Variants in ADGRV1 observed in about 807,000 individuals in gnomAD.
The protein encoded by ADGRV1 is adhesion G protein-coupled receptor V1.
Under a neutral mutation model 596.2 loss-of-function variants are expected in ADGRV1, and 359 were observed. That is an observed-to-expected ratio of 0.60 (90% CI 0.55 to 0.66). The LOEUF is 0.66. Ranked by LOEUF, ADGRV1 falls within the 30% of genes least tolerant of loss-of-function variation. The pLI is 0.00. For synonymous variants in ADGRV1, 2,681 were observed against 2,679.2 expected, an observed-to-expected ratio of 1.00 and a Z score of -0.02; for missense variants, 7,274 against 7,575.6, an observed-to-expected ratio of 0.96 and a Z score of 1.48.
At chr5:90,804,811 TG>T (rs1761746473) in intron 71 of ADGRV1, 1 of 152,220 alleles carries the variant, frequency 6.6e-6, no homozygotes, top group Non-Finnish European at 1.5e-5. Context: ...TGAAGTTTTC[TG>T]GTCTTCAAAA....
intron 85 of ADGRV1, among the ~76,000 whole-genome samples, chr5:91,046,490 C>G (rs1581890609): frequency 6.6e-6 from 1 of 152,258 alleles, no homozygotes; most frequent in East Asian, 1.9e-4. Flanking sequence ...ATCCTCATCT[C>G]TCACCTTATA....
chr5:90,803,234 C>T (rs530587522), intron 71 of ADGRV1, among the ~76,000 whole-genome samples: 13 of 152,178 alleles, frequency 8.5e-5, no homozygotes, highest in Non-Finnish European at 1.8e-4. Context: ...CTTTGGTTTA[C>T]AGGGGCGAGT....
In ADGRV1 at chr5:90,642,962, A is replaced by G; in HGVS notation, c.2474A>G (p.Asn825Ser). Residue 825 changes from asparagine (N) to serine (S), a missense_variant, in exon 13 of 90, where the codon AAC becomes AGC. This residue lies in a region of ADGRV1 where 1,715 missense variants were observed against 1,708.8 expected (regional missense o/e 1.00). Transcript: ENST00000405460. Reference sequence around the variant, plus strand: ...AGAGATAGCAATGAATTCTATGGAAACACGGGAGTACTAGAATTTAAACCT... The same window carrying G: ...AGAGATAGCAATGAATTCTATGGAAGCACGGGAGTACTAGAATTTAAACCT... ...EPRDSNEFYGNTGVLEFKPGE... is the reference protein window; with the variant it reads ...EPRDSNEFYGSTGVLEFKPGE... 6.2e-7 allele frequency: 1 copy of G among 1,613,664 alleles called. No individual in the cohort carries two copies. The highest frequency in any genetic ancestry group is 1.3e-5 in the African/African-American group (1 of 75,034).
chr5:91,095,888 T>G (rs998383311), intron 86 of ADGRV1, among the ~76,000 whole-genome samples: 1 of 152,134 alleles, frequency 6.6e-6, no homozygotes, highest in African/African-American at 2.4e-5. Flanking sequence ...GTTCGTGTCA[T>G]GCTCCTGCCT....
chr5:90,875,910 G>A (rs76520938), intron 83 of ADGRV1, among the ~76,000 whole-genome samples: 1,621 of 152,278 alleles, frequency 0.011, 32 homozygotes, highest in African/African-American at 0.037. Context: ...ACTAGTAAAT[G>A]TCTGTAGTGC....
In ADGRV1 at chr5:90,811,124, A is replaced by T. The variant is rs1445449157; in HGVS notation, c.15864A>T (p.Ala5288=). The T allele has an allele frequency of 6.2e-7, 1 of 1,613,752 alleles. No homozygotes were observed. Among genetic ancestry groups the T allele is most frequent in the East Asian group, 2.2e-5 (1 of 44,888 alleles). The change falls in exon 74 of 90, where the codon GCA becomes GCT. Residue 5288 remains alanine, a synonymous_variant. Transcript: ENST00000405460. The stretch of plus-strand genomic sequence containing the variant: ...ATGGGATTTCCAACCTAACATGGGC[A>T]GTTGAAGAAGAAGACTTTGAAGAAC... The part of the protein sequence containing the change: ...GIYGISNLTW[A]VEEEDFEEQT...
At chr5:91,039,172 T>C (rs1446452454) in intron 85 of ADGRV1, among the ~76,000 whole-genome samples, 2 of 152,126 alleles carry the variant, frequency 1.3e-5, no homozygotes, top group Admixed American at 6.5e-5. Flanking sequence ...AAAATCCAAC[T>C]CAAGCTAGCA....
At chr5:90,647,477 C>CT (rs895743626) in intron 16 of ADGRV1, 21 bp from the exon 17 acceptor site, 7 of 1,589,500 alleles carry the variant, frequency 4.4e-6, no homozygotes, top group Admixed American at 1.8e-5. Flanking sequence ...CTCATGTGTT[C>CT]TTTCTTTGTG....
Position 90,716,467 on chromosome 5 carries a change from C to A in ADGRV1, c.9185C>A (p.Ala3062Asp). 1 of 1,539,588 alleles carries A rather than the reference C, an allele frequency of 6.5e-7. No homozygotes were observed. Among genetic ancestry groups the A allele is most frequent in the Non-Finnish European group, 8.8e-7 (1 of 1,140,188 alleles). Residue 3062 changes from alanine to aspartate, a missense_variant and splice_region_variant, in exon 43 of 90, where the codon GCC becomes GAC. Ala to Asp is a moderately radical substitution (Grantham distance 126). Transcript: ENST00000405460. ...TGCTTTAATATTTTTATTTTGGCAG[C>A]CTTAATTATTGTCCTTGCTAATGAT... Reference protein sequence around the residue: ...PGLELGKNTIALIIVLANDDG... With the variant: ...PGLELGKNTIDLIIVLANDDG...
At chr5:91,083,660 A>G (rs972515548) in intron 86 of ADGRV1, among the ~76,000 whole-genome samples, 4 of 152,236 alleles carry the variant, frequency 2.6e-5, no homozygotes, top group Non-Finnish European at 5.9e-5. Context: ...AGCCTGCCTC[A>G]TTAAGTATCA....
intron 86 of ADGRV1, among the ~76,000 whole-genome samples, chr5:91,090,203 A>G (rs1790265315): frequency 6.6e-6 from 1 of 152,150 alleles, no homozygotes; most frequent in South Asian, 2.1e-4. Flanking sequence ...AGAATCACAG[A>G]TCTATTTGAT....
At chr5:90,880,385 G>A (rs1358009665) in intron 83 of ADGRV1, among the ~76,000 whole-genome samples, 1 of 152,146 alleles carries the variant, frequency 6.6e-6, no homozygotes, top group Admixed American at 6.5e-5. Flanking sequence ...TCAGATAGAT[G>A]GAATTTGAAC....
At chr5:90,615,566 A>G (rs1043876173) in intron 2 of ADGRV1, among the ~76,000 whole-genome samples, 3 of 151,916 alleles carry the variant, frequency 2.0e-5, no homozygotes, top group African/African-American at 7.2e-5. Flanking sequence ...TTAACCAGAA[A>G]GTTATGTCAT....
intron 85 of ADGRV1, among the ~76,000 whole-genome samples, chr5:91,025,550 G>C (rs1048336162): frequency 2.6e-5 from 4 of 152,070 alleles, no homozygotes; most frequent in Admixed American, 1.3e-4. Flanking sequence ...TAAAGGAAGG[G>C]CATGCTGTCA....
At chr5:91,115,776 A>G (rs1016869737) in intron 87 of ADGRV1, among the ~76,000 whole-genome samples, 3 of 152,124 alleles carry the variant, frequency 2.0e-5, no homozygotes, top group African/African-American at 7.2e-5. Flanking sequence ...GTGAAACCCC[A>G]TGGCTACTAA....
Position 90,692,799 on chromosome 5 carries a change from G to C in ADGRV1, c.7133+13G>C. On this transcript the variant is annotated intron_variant, in intron 32 of 89. Transcript: ENST00000405460. Reference sequence around the variant, plus strand: ...CTGTCAGGCGAAGGTATATGAGATAGCTACTTGCCTCTGTGGGAGTGATGA... The same window carrying C: ...CTGTCAGGCGAAGGTATATGAGATACCTACTTGCCTCTGTGGGAGTGATGA... 1 of 1,565,602 alleles carries C rather than the reference G, an allele frequency of 6.4e-7. No homozygotes were observed. The highest frequency in any genetic ancestry group is 8.6e-7 in the Non-Finnish European group (1 of 1,157,258).
chr5:90,863,082 G>A lies in ADGRV1; in HGVS notation c.17756-675G>A, dbSNP rs147350377. ...TACTGAGAATAAGAGTGGGGTAAAA[G>A]CTTAAGTGAAAAAGCAAATAGGTTA... On this transcript the variant is annotated intron_variant, in intron 82 of 89. Transcript: ENST00000405460. Among the ~76,000 whole-genome samples the A allele has an allele frequency of 2.8e-3, 422 of 152,262 alleles. 3 individuals are homozygous for A. Among genetic ancestry groups the A allele is most frequent in the African/African-American group, 9.3e-3 (386 of 41,552 alleles).
rs763131511 is a variant in ADGRV1 at position 90,676,037 on chromosome 5, A to G, written c.5314-43A>G. On this transcript the variant is annotated intron_variant, in intron 24 of 89. Coordinates refer to ENST00000405460, the MANE Select transcript of ADGRV1 (RefSeq NM_032119.4). ...CAGAATGATTGTAATCTATTCATATACAGAATGATTGTAATCTAATGGATC... is the reference window on the plus strand; with the variant it reads ...CAGAATGATTGTAATCTATTCATATGCAGAATGATTGTAATCTAATGGATC... 42 of 1,509,820 alleles carry G rather than the reference A, an allele frequency of 2.8e-5. No homozygotes were observed. The South Asian group carries it at 4.4e-4, about 16-fold the overall frequency. The allele number at this position is 1,509,820 out of a possible 1,614,324, so 93.5% of individuals were successfully genotyped here.
At chr5:90,566,539 T>TTTA (rs1580286576) in intron 1 of ADGRV1, among the ~76,000 whole-genome samples, 1 of 152,132 alleles carries the variant, frequency 6.6e-6, no homozygotes, top group East Asian at 1.9e-4. Flanking sequence ...TCTTGATTAT[T>TTTA]TTACATATTT....
Sources: allele counts gnomAD v4.1 joint callset (sites outside exome capture counted in the v4.1 genomes callset), GRCh38; gene constraint gnomAD v4.1.1; regional missense constraint gnomAD v4.1.1; transcripts MANE v1.5; gene names NCBI Gene and HGNC (gene_info 2026-07-23, HGNC 2026-07-21).